NPC1L1: variants seen among roughly 807,000 people sequenced by gnomAD.
NPC1L1 encodes NPC1 like intracellular cholesterol transporter 1, also known as NPC1-like intracellular cholesterol transporter 1.
In NPC1L1, 98 loss-of-function variants were observed where a neutral mutation model predicts 117.0. That is an observed-to-expected ratio of 0.84 (90% CI 0.71 to 0.99). The LOEUF is 0.99. Ranked by LOEUF, NPC1L1 falls within the 50% of genes least tolerant of loss-of-function variation. The pLI is 0.00. For missense variants in NPC1L1, 1,540 were observed against 1,710.0 expected (o/e 0.90, Z 1.75); for synonymous variants, 729 against 727.6 (o/e 1.00, Z -0.03).
rs1250006215 is a variant in NPC1L1, at chr7:44,533,757, C to A, written c.2263G>T (p.Ala755Ser). 1 of 1,613,998 alleles carries A rather than the reference C, an allele frequency of 6.2e-7. No individual in the cohort carries two copies. The highest frequency in any genetic ancestry group is 1.7e-5 in the Admixed American group (1 of 60,006). ...PSMLLCSLSE[A>S]ICFFLGALTP... Reference sequence around the variant, plus strand: ...GGCTCACCTAGGAAGAAGCAGATGGCCTCAGAGAGGCTGCACAACAGCATG... The same window carrying A: ...GGCTCACCTAGGAAGAAGCAGATGGACTCAGAGAGGCTGCACAACAGCATG... The change falls in exon 7 of 19, where the codon GCC becomes TCC. Residue 755 changes from alanine (A) to serine (S), a missense_variant. By Grantham distance (99) the Ala-to-Ser change is moderately conservative. Coordinates refer to ENST00000381160, the MANE Select transcript of NPC1L1 (RefSeq NM_001101648.2).
intron 6 of NPC1L1, 85 bp from the exon 7 acceptor site, chr7:44,533,938 GA>G (rs2117064157): frequency 8.8e-7 from 1 of 1,133,572 alleles, no homozygotes; most frequent in African/African-American, 1.5e-5. Flanking sequence ...CAAGTGCCCA[GA>G]GCTGCAGCCA....
At chr7:44,529,246 T>A (rs576650584) in intron 10 of NPC1L1, among the ~76,000 whole-genome samples, 1 of 151,912 alleles carries the variant, frequency 6.6e-6, no homozygotes, top group Non-Finnish European at 1.5e-5. Context: ...TCTAACTATA[T>A]GCTGTCTCCA....
chr7:44,516,693 G>T lies in NPC1L1; in HGVS notation c.3519+10C>A. ...CAGAGGCCCCCTGGTGCCTGTGTCT[G>T]CTGGGTTACCGAGACCAGGTTGATG... On this transcript the variant is annotated intron_variant, in intron 16 of 18. Coordinates refer to ENST00000381160, the MANE Select transcript of NPC1L1 (RefSeq NM_001101648.2). 1 of 1,601,942 alleles carries T rather than the reference G, an allele frequency of 6.2e-7. No individual in the cohort carries two copies. Among genetic ancestry groups the T allele is most frequent in the South Asian group, 1.1e-5 (1 of 89,450 alleles).
chr7:44,533,389 A>T, intron 8 of NPC1L1, 42 bp downstream of exon 8: 3 of 1,611,682 alleles, frequency 1.9e-6, no homozygotes, highest in Non-Finnish European at 2.5e-6. Flanking sequence ...CATGGTGGGA[A>T]CCCAGGGGCA....
chr7:44,524,367 A>G (rs573074004), intron 10 of NPC1L1, among the ~76,000 whole-genome samples: 1 of 152,334 alleles, frequency 6.6e-6, no homozygotes, highest in South Asian at 2.1e-4. Context: ...ACCAAGAAAA[A>G]GAAAAACATG....
chr7:44,535,942 G>A lies in NPC1L1; in HGVS notation c.1881C>T (p.Arg627=), dbSNP rs748367056. 3 of 1,613,370 alleles carry A rather than the reference G, an allele frequency of 1.9e-6. No individual in the cohort carries two copies. The highest frequency in any genetic ancestry group is 2.5e-6 in the Non-Finnish European group (3 of 1,180,008). ...AGATGGGCAGGTCTTCAGCTGTGGT[G>A]CGATTGATCTCGTCTTCCAGAGAGC... The part of the protein sequence containing the change: ...AERSLEDEIN[R]TTAEDLPIFA... Residue 627 remains arginine (R), a synonymous_variant, in exon 5 of 19, where the codon CGC becomes CGT. Coordinates refer to ENST00000381160, the MANE Select transcript of NPC1L1 (RefSeq NM_001101648.2).
chr7:44,513,534 G>T lies in NPC1L1; in HGVS notation c.3912C>A (p.Asn1304Lys). The change falls in exon 19 of 19, where the codon AAC becomes AAA. Residue 1304 changes from asparagine (N) to lysine (K), a missense_variant. By Grantham distance (94) the Asn-to-Lys change is moderately conservative. Coordinates refer to ENST00000381160, the MANE Select transcript of NPC1L1 (RefSeq NM_001101648.2). ...CTTCAAAGCTGTGGTTGACATAGATGTTGTCAGCTGTGGAGACTCGGGAGG... is the reference window on the plus strand; with the variant it reads ...CTTCAAAGCTGTGGTTGACATAGATTTTGTCAGCTGTGGAGACTCGGGAGG... ...NHPSRVSTAD[N>K]IYVNHSFEGS... 3 of 1,614,184 alleles carry T rather than the reference G, an allele frequency of 1.9e-6. No homozygotes were observed. Among genetic ancestry groups the T allele is most frequent in the Non-Finnish European group, 2.5e-6 (3 of 1,180,022 alleles).
chr7:44,519,601 C>T (rs1219073079), intron 14 of NPC1L1, among the ~76,000 whole-genome samples: 1 of 152,052 alleles, frequency 6.6e-6, no homozygotes, highest in Admixed American at 6.5e-5. Flanking sequence ...GATCATCCTT[C>T]AAAAACTCCC....
intron 10 of NPC1L1, 72 bp from the exon 11 acceptor site, chr7:44,522,314 C>T: frequency 7.1e-7 from 1 of 1,405,718 alleles, no homozygotes; most frequent in Non-Finnish European, 9.8e-7. Flanking sequence ...CCAGCTCACA[C>T]TCTCGAAGGT....
intron 1 of NPC1L1, among the ~76,000 whole-genome samples, 169 bp downstream of exon 1, chr7:44,541,037 A>AC (rs1438348178): frequency 2.0e-5 from 3 of 151,772 alleles, no homozygotes; most frequent in Admixed American, 6.6e-5. Context: ...CTCCACCTGC[A>AC]CCCCTCCTCT....
intron 15 of NPC1L1, 111 bp from the exon 16 acceptor site, chr7:44,517,045 G>A: frequency 7.0e-7 from 1 of 1,433,066 alleles, no homozygotes; most frequent in East Asian, 2.3e-5. Context: ...CTTATATTGG[G>A]GTACAAACCA....
rs575757022 is a variant in NPC1L1 at position 44,538,588 on chromosome 7, C to T, written c.1580+229G>A. 3.9e-5 allele frequency among the ~76,000 whole-genome samples: 6 copies of T among 152,338 alleles called. No individual in the cohort carries two copies. The highest frequency in any genetic ancestry group is 1.9e-4 in the East Asian group (1 of 5,194). On this transcript the variant is annotated intron_variant, in intron 2 of 18. Coordinates refer to ENST00000381160, the MANE Select transcript of NPC1L1 (RefSeq NM_001101648.2). The surrounding 1 kb of genome is among the most constrained non-coding windows in gnomAD (Gnocchi z 5.9). ...AGTGGACTCGGGGTTGAAGGGCCAG[C>T]GATGGCCACGCACAAACCTGCAGCC... is the stretch of plus-strand genomic sequence containing the variant.
intron 16 of NPC1L1, 40 bp downstream of exon 16, chr7:44,516,663 C>T (rs770891484): frequency 1.9e-5 from 28 of 1,508,918 alleles, no homozygotes; most frequent in Non-Finnish European, 2.6e-5. Flanking sequence ...CCCCAACCAC[C>T]CCTCCAGAGG....
chr7:44,520,454 C>T (rs888961807), intron 14 of NPC1L1, among the ~76,000 whole-genome samples: 1 of 152,184 alleles, frequency 6.6e-6, no homozygotes, highest in Non-Finnish European at 1.5e-5. Flanking sequence ...TTCATTTAAC[C>T]AGCTGCCCTT....
Position 44,521,051 on chromosome 7 carries a change from C to T in NPC1L1, c.3021G>A (p.Gln1007=), listed in dbSNP as rs1431587418. The change falls in exon 13 of 19, where the codon CAG becomes CAA. Residue 1007 remains glutamine (Q), a synonymous_variant. Coordinates refer to ENST00000381160, the MANE Select transcript of NPC1L1 (RefSeq NM_001101648.2). Reference sequence around the variant, plus strand: ...GGAACCAGGGAAGATACTTATGGAACTGCTCCACCGAGGGCCTCACAGAGC... The same window carrying T: ...GGAACCAGGGAAGATACTTATGGAATTGCTCCACCGAGGGCCTCACAGAGC... ...TMGSVRPSVE[Q]FHKYLPWFLN... The T allele has an allele frequency of 1.2e-6, 2 of 1,614,182 alleles. No homozygotes were observed.
Position 44,536,932 on chromosome 7 carries a change from T to A in NPC1L1, c.1591A>T (p.Thr531Ser). The A allele has an allele frequency of 6.2e-7, 1 of 1,613,782 alleles. No homozygotes were observed. ...HFLYCANAPL[T>S]FKDGTALALS... Reference sequence around the variant, plus strand: ...GCCAGGGCTGTGCCATCCTTGAAGGTGAGCGGGGCACTAGAGGGAGATGAC... The same window carrying A: ...GCCAGGGCTGTGCCATCCTTGAAGGAGAGCGGGGCACTAGAGGGAGATGAC... Residue 531 changes from threonine (T) to serine (S), a missense_variant, in exon 3 of 19, where the codon ACC (threonine) becomes TCC (serine). Physicochemically the swap from Thr to Ser is moderately conservative, Grantham distance 58. Coordinates refer to ENST00000381160, the MANE Select transcript of NPC1L1 (RefSeq NM_001101648.2). This position sits in a 1 kb window ranked among gnomAD's most constrained non-coding sequence, Gnocchi z 4.7.
rs999834785 is a variant in NPC1L1 at position 44,534,815 on chromosome 7, G to C, written c.1984-186C>G. Among the ~76,000 whole-genome samples, 1 of 152,174 alleles carries C rather than the reference G, an allele frequency of 6.6e-6. No individual in the cohort carries two copies. Among genetic ancestry groups the C allele is most frequent in the African/African-American group, 2.4e-5 (1 of 41,438 alleles). The stretch of plus-strand genomic sequence containing the variant: ...CCCTCTGCAGAGCCATCCTCCCAAG[G>C]GGAGGTCCAGGAAACCCAAAGGCAT... On this transcript the variant is annotated intron_variant, in intron 5 of 18. Coordinates refer to ENST00000381160, the MANE Select transcript of NPC1L1 (RefSeq NM_001101648.2). This position sits in a 1 kb window ranked among gnomAD's most constrained non-coding sequence, Gnocchi z 5.2.
intron 9 of NPC1L1, 86 bp from the exon 10 acceptor site, chr7:44,531,930 G>A (rs1346319427): frequency 2.6e-6 from 4 of 1,520,836 alleles, no homozygotes; most frequent in Non-Finnish European, 3.6e-6. Context: ...AGGGTGTCAT[G>A]GGCAACATTC....
chr7:44,539,536 G>T lies in NPC1L1; in HGVS notation c.861C>A (p.Leu287=). Residue 287 remains leucine, a synonymous_variant, in exon 2 of 19, where the codon CTC becomes CTA. Transcript: ENST00000381160. This position sits in a 1 kb window ranked among gnomAD's most constrained non-coding sequence, Gnocchi z 4.4. The part of the protein sequence containing the change: ...YLGQMPGSLV[L]IIILCSVFAV... ...CGAAGACAGAGCAGAGGATGATGAT[G>T]AGGACCAGACTGCCCGGCATCTGGC... is the stretch of plus-strand genomic sequence containing the variant. 6.2e-7 allele frequency: 1 copy of T among 1,613,968 alleles called. No homozygotes were observed. Among genetic ancestry groups the T allele is most frequent in the Admixed American group, 1.7e-5 (1 of 60,024 alleles).
Sources: allele counts gnomAD v4.1 joint callset (sites outside exome capture counted in the v4.1 genomes callset), GRCh38; gene constraint gnomAD v4.1.1; non-coding constraint Gnocchi (gnomAD v3.1); transcripts MANE v1.5; gene names NCBI Gene and HGNC (gene_info 2026-07-23, HGNC 2026-07-21).